Variants in RC3H1 observed in about 807,000 individuals in gnomAD.
RC3H1 encodes the protein roquin-1.
RC3H1 carries 50 observed loss-of-function variants against 138.2 expected under a neutral mutation model. That is an observed-to-expected ratio of 0.36 (90% CI 0.29 to 0.46). RC3H1 has a LOEUF of 0.46. RC3H1 is among the 20% of genes least tolerant of loss of function. The pLI, the probability that RC3H1 is intolerant of heterozygous loss-of-function variation, is 1.00. For synonymous variants in RC3H1, 462 were observed against 489.1 expected, an observed-to-expected ratio of 0.94 and a Z score of 0.73; for missense variants, 1,031 against 1,388.1, an observed-to-expected ratio of 0.74 and a Z score of 4.09.
At chr1:173,999,387 AAAAAAGAG>A (rs1254886426) in intron 1 of RC3H1, among the ~76,000 whole-genome samples, 3 of 135,262 alleles carry the variant, frequency 2.2e-5, no homozygotes, top group East Asian at 2.3e-4. Flanking sequence ...CCAAAAAAAA[AAAAAAGAG>A]AGAGAGAGAA....
At chr1:173,950,155 G>A (rs1659326876) in intron 14 of RC3H1, among the ~76,000 whole-genome samples, 1 of 151,842 alleles carries the variant, frequency 6.6e-6, no homozygotes, top group South Asian at 2.1e-4. Flanking sequence ...GGTACAGAGT[G>A]GAACTCCGTC....
intron 7 of RC3H1, among the ~76,000 whole-genome samples, chr1:173,976,923 CTTTTTT>C (rs542743644): frequency 6.0e-5 from 8 of 132,536 alleles, no homozygotes; most frequent in Non-Finnish European, 9.5e-5. Flanking sequence ...GATGTGATTT[CTTTTTT>C]TTTTTTTTTT....
chr1:173,981,626 T>C (rs1660823818), intron 5 of RC3H1, among the ~76,000 whole-genome samples: 1 of 152,090 alleles, frequency 6.6e-6, no homozygotes, highest in African/African-American at 2.4e-5. Flanking sequence ...TGCCTGACAA[T>C]GAGCTAGGTG....
intron 6 of RC3H1, among the ~76,000 whole-genome samples, chr1:173,979,363 C>A (rs1318373334): frequency 1.3e-5 from 2 of 152,156 alleles, no homozygotes; most frequent in African/African-American, 4.8e-5. Flanking sequence ...ACAAGCCAAG[C>A]CAGGCCAGGC....
chr1:173,972,534 C>A lies in RC3H1; in HGVS notation c.1196G>T (p.Ser399Ile). 6.2e-7 allele frequency: 1 copy of A among 1,613,590 alleles called. No homozygotes were observed. The highest frequency in any genetic ancestry group is 8.5e-7 in the Non-Finnish European group (1 of 1,179,662). The change falls in exon 8 of 20, where the codon AGC becomes ATC. Residue 399 changes from serine to isoleucine, a missense_variant. Ser to Ile is a moderately radical substitution (Grantham distance 142). Transcript: ENST00000367696. ...CTGCTGCTGATCTGCTCCTTTTTTGCTGTGGTTCTGGATATAATCAACCAG... is the reference window on the plus strand; with the variant it reads ...CTGCTGCTGATCTGCTCCTTTTTTGATGTGGTTCTGGATATAATCAACCAG... Reference protein sequence around the residue: ...HGLVDYIQNHSKKGADQQQPP... With the variant: ...HGLVDYIQNHIKKGADQQQPP...
At chr1:173,941,069 C>G (rs561309950) in intron 19 of RC3H1, among the ~76,000 whole-genome samples, 196 bp downstream of exon 19, 21 of 152,290 alleles carry the variant, frequency 1.4e-4, no homozygotes, top group Non-Finnish European at 2.6e-4. Context: ...ATCTGCCCAC[C>G]TCGGCTTCCC....
intron 12 of RC3H1, among the ~76,000 whole-genome samples, 156 bp from the exon 13 acceptor site, chr1:173,961,400 C>T (rs1009525913): frequency 1.3e-5 from 2 of 151,986 alleles, no homozygotes; most frequent in African/African-American, 4.8e-5. Flanking sequence ...TAAAACAAAA[C>T]CCCCCAAACT....
At chr1:173,990,577 TA>T (rs201766422) in intron 2 of RC3H1, among the ~76,000 whole-genome samples, 20 of 140,780 alleles carry the variant, frequency 1.4e-4, no homozygotes, top group East Asian at 4.3e-4. Context: ...TATTATTATT[TA>T]TTTTTTTTTT....
At chr1:173,997,120 G>A (rs1044729168) in intron 1 of RC3H1, among the ~76,000 whole-genome samples, 6 of 152,060 alleles carry the variant, frequency 3.9e-5, no homozygotes, top group African/African-American at 1.4e-4. Flanking sequence ...AGCTATATGG[G>A]AGGCTGAGGC....
In RC3H1 at chr1:173,935,571, TAAA is replaced by T. The variant is rs1169952369; in HGVS notation, c.*3147_*3149del. 6.8e-6 allele frequency: 1 copy of T among 147,284 alleles called. No individual in the cohort carries two copies. The highest frequency in any genetic ancestry group is 2.1e-4 in the South Asian group (1 of 4,678). 9.1% of individuals were successfully genotyped at this position (147,284 alleles called of 1,614,324 possible). On this transcript the variant is annotated 3_prime_UTR_variant, in exon 20 of 20. Transcript: ENST00000367696. ...TCCTATCTGGTTTCATCTTTGTCTC[TAAA>T]AAAAAAAATTAAAAAGCCAGAAGCA...
At chr1:173,996,309 A>G (rs1661460819) in intron 1 of RC3H1, among the ~76,000 whole-genome samples, 1 of 152,090 alleles carries the variant, frequency 6.6e-6, no homozygotes, top group Non-Finnish European at 1.5e-5. Flanking sequence ...CTTGAAGACC[A>G]ATATATATGA....
chr1:173,963,688 C>T (rs1659975002), intron 11 of RC3H1, among the ~76,000 whole-genome samples: 1 of 152,104 alleles, frequency 6.6e-6, no homozygotes, highest in Non-Finnish European at 1.5e-5. Flanking sequence ...CAGCAAATTT[C>T]CATTGCCTAC....
intron 1 of RC3H1, among the ~76,000 whole-genome samples, chr1:174,000,769 A>T (rs1661550001): frequency 6.6e-6 from 1 of 152,238 alleles, no homozygotes; most frequent in Admixed American, 6.5e-5. Context: ...TAGAAGCAGG[A>T]GATAAAAACA....
At chr1:173,945,187 C>T (rs1294550135) in intron 17 of RC3H1, among the ~76,000 whole-genome samples, 1 of 150,888 alleles carries the variant, frequency 6.6e-6, no homozygotes, top group Non-Finnish European at 1.5e-5. Context: ...GCAGTGGCAC[C>T]ATCAGGGCTC....
intron 1 of RC3H1, among the ~76,000 whole-genome samples, chr1:174,007,566 C>T (rs547251825): frequency 7.9e-5 from 12 of 152,056 alleles, no homozygotes; most frequent in African/African-American, 2.4e-4. Context: ...TGGGTTCAAA[C>T]GACCCTCCCA....
chr1:174,003,114 G>A (rs1394576607), intron 1 of RC3H1, among the ~76,000 whole-genome samples: 10 of 152,286 alleles, frequency 6.6e-5, no homozygotes, highest in South Asian at 2.1e-4. Flanking sequence ...ACTGCCAGGC[G>A]TGGTGGCTTA....
At chr1:173,948,632 T>C (rs1179727999) in intron 14 of RC3H1, among the ~76,000 whole-genome samples, 1 of 152,102 alleles carries the variant, frequency 6.6e-6, no homozygotes, top group Non-Finnish European at 1.5e-5. Context: ...TGAGACAGGG[T>C]TCTGCTGTCA....
At position 174,017,783 on chromosome 1, in the gene RC3H1, C is replaced by CAAAAAAAAAAAAAAAAAA. The variant is rs61239660; in HGVS notation, c.-151+4295_-151+4312dup. Among the ~76,000 whole-genome samples, 29 of 72,028 alleles carry CAAAAAAAAAAAAAAAAAA rather than the reference C, an allele frequency of 4.0e-4. 6 individuals carry two copies. The highest frequency in any genetic ancestry group is 1.5e-3 in the African/African-American group (27 of 17,526). 47.3% of individuals were successfully genotyped at this position (72,028 alleles called of 152,430 possible). ...ACCCCTTTAGAACTCTTTTCTTGCT[C>CAAAAAAAAAAAAAAAAAA]AAAAAAAAAAAAAAAAAAAAAAAAA... On this transcript the variant is annotated intron_variant, in intron 1 of 19. Transcript: ENST00000367696.
In RC3H1 at chr1:173,981,971, G is replaced by A. The variant is rs117688311; in HGVS notation, c.768+756C>T. On this transcript the variant is annotated intron_variant, in intron 5 of 19. Transcript: ENST00000367696. Reference sequence around the variant, plus strand: ...CATAGTGAGTAGCAATGTTTGAGGCGGTGCTTATTCAATTTGGGATAAGAG... The same window carrying A: ...CATAGTGAGTAGCAATGTTTGAGGCAGTGCTTATTCAATTTGGGATAAGAG... Among the ~76,000 whole-genome samples the A allele has an allele frequency of 9.0e-4, 137 of 152,080 alleles. 2 individuals are homozygous for A. In the East Asian group the frequency reaches 0.017, roughly 19 times the overall value.
Sources: gnomAD v4.1 joint callset for allele counts (sites outside exome capture counted in the v4.1 genomes callset) on GRCh38, gnomAD v4.1.1 for gene constraint, MANE v1.5 for transcripts, NCBI Gene and HGNC (gene_info 2026-07-23, HGNC 2026-07-21) for gene names.